IGSF11: variants seen among roughly 807,000 people sequenced by gnomAD.
The protein encoded by IGSF11 is immunoglobulin superfamily member 11.
Under a neutral mutation model 41.0 loss-of-function variants are expected in IGSF11, and 22 were observed. The observed-to-expected ratio is 0.54, with a 90% CI of 0.38 to 0.77. The LOEUF is 0.77. Ranked by LOEUF, IGSF11 falls within the 30% of genes least tolerant of loss-of-function variation. The pLI is 0.00. For synonymous variants in IGSF11, 219 were observed against 201.3 expected, an observed-to-expected ratio of 1.09 and a Z score of -0.74; for missense variants, 444 against 530.8, an observed-to-expected ratio of 0.84 and a Z score of 1.61.
intron 1 of IGSF11, among the ~76,000 whole-genome samples, chr3:119,138,917 CA>C (rs1258162312): frequency 2.0e-5 from 3 of 151,814 alleles, no homozygotes; most frequent in African/African-American, 7.3e-5. Flanking sequence ...TAAAGGAGAA[CA>C]AAAGCACAGA....
intron 1 of IGSF11, among the ~76,000 whole-genome samples, chr3:119,057,530 G>A (rs1247981483): frequency 2.0e-5 from 3 of 152,188 alleles, no homozygotes; most frequent in Non-Finnish European, 4.4e-5. Context: ...TTGATATCAT[G>A]AAAATGGCCA....
chr3:118,903,917 C>T (rs907206840), intron 6 of IGSF11, among the ~76,000 whole-genome samples: 3 of 151,988 alleles, frequency 2.0e-5, no homozygotes, highest in African/African-American at 4.8e-5. Flanking sequence ...AAAGCATGGT[C>T]CAGGAAGAGA....
chr3:119,001,841 T>G (rs1357755454), intron 1 of IGSF11, among the ~76,000 whole-genome samples: 1 of 134,924 alleles, frequency 7.4e-6, no homozygotes, highest in African/African-American at 3.1e-5. Flanking sequence ...ATGGTGTATA[T>G]GTGCCACATT....
chr3:119,122,594 C>G (rs76565239), intron 1 of IGSF11, among the ~76,000 whole-genome samples: 3,176 of 152,310 alleles, frequency 0.021, 136 homozygotes, highest in African/African-American at 0.073. Context: ...TATACCGCCC[C>G]TCACCCAACT....
At chr3:118,914,821 A>ATTT (rs1170815819) in intron 4 of IGSF11, among the ~76,000 whole-genome samples, 3 of 123,754 alleles carry the variant, frequency 2.4e-5, no homozygotes, top group Non-Finnish European at 5.0e-5. Context: ...ACAAACAAAA[A>ATTT]GACAGCAGTA....
intron 4 of IGSF11, among the ~76,000 whole-genome samples, chr3:118,907,831 C>T (rs1284092772): frequency 6.6e-6 from 1 of 152,182 alleles, no homozygotes; most frequent in Admixed American, 6.5e-5. Flanking sequence ...ACACTTGGCA[C>T]TCTAGTAAGG....
chr3:119,019,265 C>G (rs1355802717), intron 1 of IGSF11, among the ~76,000 whole-genome samples: 1 of 151,420 alleles, frequency 6.6e-6, no homozygotes, highest in Non-Finnish European at 1.5e-5. Flanking sequence ...AAAAGGACAG[C>G]AATAAGTACA....
At chr3:119,031,939 T>C (rs1940440122) in intron 1 of IGSF11, among the ~76,000 whole-genome samples, 1 of 152,240 alleles carries the variant, frequency 6.6e-6, no homozygotes, top group South Asian at 2.1e-4. Context: ...TGAAAAGTTA[T>C]CTGCTATTTC....
intron 1 of IGSF11, among the ~76,000 whole-genome samples, chr3:118,970,015 T>C (rs1933199550): frequency 6.6e-6 from 1 of 152,148 alleles, no homozygotes; most frequent in African/African-American, 2.4e-5. Context: ...TAAGTTATCC[T>C]TGCCATGGGA....
At chr3:119,070,185 T>C (rs2076374105) in intron 1 of IGSF11, among the ~76,000 whole-genome samples, 1 of 152,190 alleles carries the variant, frequency 6.6e-6, no homozygotes, top group African/African-American at 2.4e-5. Context: ...ATTATGTAAT[T>C]TTTAACCCCA....
intron 4 of IGSF11, among the ~76,000 whole-genome samples, chr3:118,909,314 T>C (rs1363459377): frequency 1.3e-5 from 2 of 152,146 alleles, no homozygotes; most frequent in African/African-American, 2.4e-5. Context: ...GGCTATATAA[T>C]AATGGATGTA....
At chr3:119,018,598 T>C (rs191711217) in intron 1 of IGSF11, among the ~76,000 whole-genome samples, 1 of 152,346 alleles carries the variant, frequency 6.6e-6, no homozygotes, top group African/African-American at 2.4e-5. Context: ...GGTACTGGAA[T>C]TCATTCTGCT....
chr3:119,050,448 A>G (rs1238303321), intron 1 of IGSF11, among the ~76,000 whole-genome samples: 1 of 152,184 alleles, frequency 6.6e-6, no homozygotes, highest in African/African-American at 2.4e-5. Context: ...ACAATGAGAT[A>G]CCATCTCACA....
intron 1 of IGSF11, among the ~76,000 whole-genome samples, chr3:119,088,060 T>TG (rs1226509514): frequency 8.5e-5 from 13 of 152,174 alleles, no homozygotes; most frequent in Non-Finnish European, 1.5e-5. Flanking sequence ...ACTTGACACT[T>TG]GATCAACTGG....
chr3:118,932,893 A>T (rs1942969073), intron 1 of IGSF11, among the ~76,000 whole-genome samples: 1 of 152,242 alleles, frequency 6.6e-6, no homozygotes, highest in Non-Finnish European at 1.5e-5. Flanking sequence ...ACTAATTTCA[A>T]GCTTAACTCA....
chr3:119,094,097 T>C (rs974172602), intron 1 of IGSF11, among the ~76,000 whole-genome samples: 9 of 151,412 alleles, frequency 5.9e-5, no homozygotes, highest in South Asian at 4.2e-4. Flanking sequence ...GCCGAGCTAA[T>C]GATATTAATA....
At chr3:119,117,133 C>T (rs955800880) in intron 1 of IGSF11, among the ~76,000 whole-genome samples, 1 of 151,522 alleles carries the variant, frequency 6.6e-6, no homozygotes, top group Non-Finnish European at 1.5e-5. Flanking sequence ...TCTCTTTATG[C>T]AATGGGCAGG....
intron 1 of IGSF11, among the ~76,000 whole-genome samples, chr3:119,052,802 C>T (rs1440709891): frequency 6.6e-6 from 1 of 152,122 alleles, no homozygotes; most frequent in East Asian, 1.9e-4. Context: ...CCACCATTAT[C>T]AAGTGGGTTT....
chr3:119,139,204 G>A (rs552001479), intron 1 of IGSF11, among the ~76,000 whole-genome samples: 117 of 151,834 alleles, frequency 7.7e-4, no homozygotes, highest in African/African-American at 1.4e-3. Context: ...TATATTTCCC[G>A]GTAAATAAAA....
Sources: gnomAD v4.1 joint callset for allele counts (sites outside exome capture counted in the v4.1 genomes callset) on GRCh38, gnomAD v4.1.1 for gene constraint, MANE v1.5 for transcripts, NCBI Gene and HGNC (gene_info 2026-07-23, HGNC 2026-07-21) for gene names.